Variants in SH3BGR observed in about 807,000 individuals in gnomAD.
SH3BGR encodes the protein SH3 domain-binding glutamic acid-rich protein.
In SH3BGR, 29 loss-of-function variants were observed where a neutral mutation model predicts 24.5. The ratio of observed to expected loss-of-function variants is 1.18; its 90% confidence interval spans 0.88 to 1.61. The LOEUF (loss-of-function observed/expected upper bound fraction) is 1.61. Among genes scored for constraint, SH3BGR ranks in the 40% most tolerant of loss-of-function variants. SH3BGR has a pLI of 0.00. For synonymous variants in SH3BGR, 55 were observed against 65.7 expected (o/e 0.84, Z 0.79); for missense variants, 162 against 205.8 (o/e 0.79, Z 1.30).
chr21:39,485,647 A>AT (rs1422912311), intron 3 of SH3BGR, among the ~76,000 whole-genome samples: 1 of 150,536 alleles, frequency 6.6e-6, no homozygotes, highest in Admixed American at 6.6e-5. Flanking sequence ...GTTCTGGAAA[A>AT]TTTGACTAAG....
At chr21:39,459,115 TAG>T (rs1399247891) in intron 1 of SH3BGR, among the ~76,000 whole-genome samples, 3 of 152,112 alleles carry the variant, frequency 2.0e-5, no homozygotes, top group Non-Finnish European at 4.4e-5. Flanking sequence ...TTGTGCAAAG[TAG>T]AGAGTCAATA....
intron 3 of SH3BGR, among the ~76,000 whole-genome samples, chr21:39,498,363 G>A (rs892054864): frequency 1.3e-5 from 2 of 152,120 alleles, no homozygotes; most frequent in African/African-American, 4.8e-5. Context: ...TTAAAAGGCT[G>A]GGACCCATTT....
chr21:39,452,957 T>G (rs537048016), intron 1 of SH3BGR, among the ~76,000 whole-genome samples: 2 of 152,316 alleles, frequency 1.3e-5, no homozygotes, highest in African/African-American at 4.8e-5. Flanking sequence ...TTAGCAGCAG[T>G]TAGGAAGGCT....
At chr21:39,479,399 ATGG>A (rs777448844) in intron 3 of SH3BGR, among the ~76,000 whole-genome samples, 1 of 130,390 alleles carries the variant, frequency 7.7e-6, no homozygotes, top group Non-Finnish European at 1.7e-5. Flanking sequence ...GGTGACAGTG[ATGG>A]TGGTGATGGT....
upstream of SH3BGR, chr21:39,451,836 T>A: frequency 6.5e-7 from 1 of 1,536,682 alleles, no homozygotes; most frequent in Non-Finnish European, 8.8e-7. Context: ...AGTGGCTGCT[T>A]TTATCGACCA....
intron 3 of SH3BGR, among the ~76,000 whole-genome samples, chr21:39,497,031 T>G (rs2078408146): frequency 6.6e-6 from 1 of 151,982 alleles, no homozygotes. Context: ...AAATACTTTG[T>G]GTAACAACTT....
chr21:39,513,226 A>G (rs1174989154), intron 6 of SH3BGR, among the ~76,000 whole-genome samples: 2 of 152,202 alleles, frequency 1.3e-5, no homozygotes, highest in Non-Finnish European at 2.9e-5. Context: ...CTTGTCAAAG[A>G]TACCTAAAGT....
chr21:39,475,678 C>T (rs2078016555), intron 3 of SH3BGR, among the ~76,000 whole-genome samples: 1 of 152,202 alleles, frequency 6.6e-6, no homozygotes, highest in African/African-American at 2.4e-5. Flanking sequence ...CAGGTAAGAT[C>T]TCGATTCAAC....
intron 5 of SH3BGR, among the ~76,000 whole-genome samples, chr21:39,509,564 T>C (rs1368758860): frequency 1.3e-5 from 2 of 150,186 alleles, no homozygotes; most frequent in Non-Finnish European, 3.0e-5. Context: ...AACCTCCGCT[T>C]CCTGGGTTCA....
chr21:39,451,380 C>T (rs1459903311), upstream of SH3BGR, among the ~76,000 whole-genome samples: 2 of 152,138 alleles, frequency 1.3e-5, no homozygotes, highest in African/African-American at 4.8e-5. Flanking sequence ...CCCTGGATGT[C>T]AGTGAAACTT....
intron 3 of SH3BGR, among the ~76,000 whole-genome samples, chr21:39,489,672 G>GA (rs1372405488): frequency 2.0e-5 from 3 of 152,218 alleles, no homozygotes; most frequent in Non-Finnish European, 2.9e-5. Flanking sequence ...CTGCACATTA[G>GA]AAATCTCTGG....
intron 2 of SH3BGR, among the ~76,000 whole-genome samples, chr21:39,463,798 C>T (rs1475169320): frequency 1.1e-4 from 17 of 152,290 alleles, no homozygotes; most frequent in African/African-American, 2.6e-4. Flanking sequence ...GAAAAGTTTG[C>T]GGACCTCTCA....
upstream of SH3BGR, among the ~76,000 whole-genome samples, chr21:39,450,657 C>G (rs1377715946): frequency 2.6e-5 from 4 of 152,158 alleles, no homozygotes; most frequent in African/African-American, 9.7e-5. Flanking sequence ...TAAATATCCC[C>G]CAAGTGCTTC....
chr21:39,508,903 G>A, intron 4 of SH3BGR, 95 bp from the exon 5 acceptor site: 2 of 886,834 alleles, frequency 2.3e-6, no homozygotes, highest in Middle Eastern at 2.5e-4. Context: ...ATTTTGATTA[G>A]CTTGTATTTT....
chr21:39,463,058 A>T (rs1602083499), intron 2 of SH3BGR, among the ~76,000 whole-genome samples: 2 of 152,080 alleles, frequency 1.3e-5, no homozygotes, highest in African/African-American at 4.8e-5. Flanking sequence ...TAATTTCTAA[A>T]TTTTTTGTAG....
At chr21:39,449,236 A>G (rs1459560657), upstream of SH3BGR, among the ~76,000 whole-genome samples, 1 of 152,240 alleles carries the variant, frequency 6.6e-6, no homozygotes, top group African/African-American at 2.4e-5. Flanking sequence ...TAAGACACAG[A>G]TACCAGCTCC....
chr21:39,486,407 T>C (rs891817891), intron 3 of SH3BGR, among the ~76,000 whole-genome samples: 6 of 152,278 alleles, frequency 3.9e-5, no homozygotes, highest in African/African-American at 1.4e-4. Context: ...TTTACAACAA[T>C]AAGTGGGCAT....
At chr21:39,500,257 C>T (rs535930221) in intron 4 of SH3BGR, among the ~76,000 whole-genome samples, 12 of 152,074 alleles carry the variant, frequency 7.9e-5, no homozygotes, top group African/African-American at 2.9e-4. Flanking sequence ...TGACAGACTC[C>T]TAGCTTACAC....
upstream of SH3BGR, among the ~76,000 whole-genome samples, chr21:39,450,840 C>G (rs1226128641): frequency 6.6e-6 from 1 of 152,024 alleles, no homozygotes; most frequent in Non-Finnish European, 1.5e-5. Flanking sequence ...GTTCTGTCAC[C>G]CAGGCTGGAG....
Sources: allele counts gnomAD v4.1 joint callset (sites outside exome capture counted in the v4.1 genomes callset), GRCh38; gene constraint gnomAD v4.1.1; transcripts MANE v1.5; gene names NCBI Gene and HGNC (gene_info 2026-07-23, HGNC 2026-07-21).